Variants in RNF220 observed in about 807,000 individuals in gnomAD.
RNF220 encodes E3 ubiquitin-protein ligase RNF220.
A neutral mutation model predicts 67.1 loss-of-function variants in RNF220; 7 were observed. The observed-to-expected ratio is 0.10, with a 90% CI of 0.06 to 0.20. RNF220 has a LOEUF of 0.20. Ranked by LOEUF, RNF220 falls within the 10% of genes least tolerant of loss-of-function variation. The probability of loss-of-function intolerance (pLI) is 1.00; values close to 1 mark genes in which losing one functional copy is unlikely to be tolerated. For synonymous variants in RNF220, 270 were observed against 283.2 expected, an observed-to-expected ratio of 0.95 and a Z score of 0.47; for missense variants, 565 against 740.3, an observed-to-expected ratio of 0.76 and a Z score of 2.75.
intron 12 of RNF220, among the ~76,000 whole-genome samples, chr1:44,647,665 G>C (rs958911095): frequency 6.6e-6 from 1 of 152,144 alleles, no homozygotes; most frequent in Admixed American, 6.5e-5. Flanking sequence ...AAGGAAAAAG[G>C]CCAGAGATTG....
chr1:44,649,582 G>A lies in RNF220; in HGVS notation c.1446-79G>A, dbSNP rs1644735486. 1 of 1,325,022 alleles carries A rather than the reference G, an allele frequency of 7.5e-7. No individual in the cohort carries two copies. The highest frequency in any genetic ancestry group is 1.1e-6 in the Non-Finnish European group (1 of 922,978). 82.1% of individuals were successfully genotyped at this position (1,325,022 alleles called of 1,614,324 possible). A position where few individuals can be genotyped will look rare whatever the true frequency, so the allele number is the denominator to read the frequency against. ...AGGGGACATTTATGTATTTGGTTCT[G>A]GAATTCAAGGGAGGCGTAGGCTGGA... On this transcript the variant is annotated intron_variant, in intron 12 of 14. Transcript: ENST00000361799. The surrounding 1 kb of genome is among the most constrained non-coding windows in gnomAD (Gnocchi z 5.9).
intron 2 of RNF220, among the ~76,000 whole-genome samples, chr1:44,512,504 C>G (rs1296885662): frequency 6.6e-6 from 1 of 152,160 alleles, no homozygotes; most frequent in African/African-American, 2.4e-5. Flanking sequence ...GGGACGGCCC[C>G]TAAGGGGGTT....
chr1:44,493,437 C>T (rs1572670834), intron 2 of RNF220, among the ~76,000 whole-genome samples: 1 of 152,128 alleles, frequency 6.6e-6, no homozygotes, highest in African/African-American at 2.4e-5. Context: ...TCGCTTGAAC[C>T]TGGGAGGTGG....
chr1:44,550,392 G>C (rs899724323), intron 2 of RNF220, among the ~76,000 whole-genome samples: 1 of 152,224 alleles, frequency 6.6e-6, no homozygotes, highest in African/African-American at 2.4e-5. Flanking sequence ...TAGCTGGGAA[G>C]GCTGTTGAGT....
intron 2 of RNF220, among the ~76,000 whole-genome samples, chr1:44,472,771 C>T (rs947581773): frequency 6.6e-6 from 1 of 152,142 alleles, no homozygotes; most frequent in African/African-American, 2.4e-5. Context: ...GCTTTTGTTT[C>T]CTTTTTTTGT....
chr1:44,488,296 C>T (rs182043017), intron 2 of RNF220, among the ~76,000 whole-genome samples: 135 of 152,042 alleles, frequency 8.9e-4, no homozygotes, highest in Non-Finnish European at 1.6e-3. Context: ...CCACCACACC[C>T]GACTAATTTT....
At chr1:44,492,739 T>A (rs1299143274) in intron 2 of RNF220, among the ~76,000 whole-genome samples, 1 of 152,036 alleles carries the variant, frequency 6.6e-6, no homozygotes, top group Non-Finnish European at 1.5e-5. Flanking sequence ...AGAAAGTAGA[T>A]TAGTAGTTGC....
chr1:44,580,688 A>G (rs1665210000), intron 2 of RNF220, among the ~76,000 whole-genome samples: 1 of 152,228 alleles, frequency 6.6e-6, no homozygotes. Context: ...AGGCTAGACC[A>G]TAAGACCCTT....
rs1193823537 is a variant in RNF220, at chr1:44,412,888, C to T, written c.625+166C>T. 6.6e-6 allele frequency among the ~76,000 whole-genome samples: 1 copy of T among 152,166 alleles called. No homozygotes were observed. Among genetic ancestry groups the T allele is most frequent in the Non-Finnish European group, 1.5e-5 (1 of 68,034 alleles). Reference sequence around the variant, plus strand: ...CCTTTGCTTGTCTCTTATCAGTGAGCACTGATAGTTCTTGAAATATTTTTC... The same window carrying T: ...CCTTTGCTTGTCTCTTATCAGTGAGTACTGATAGTTCTTGAAATATTTTTC... On this transcript the variant is annotated intron_variant, in intron 2 of 14. Transcript: ENST00000361799. The surrounding 1 kb of genome is among the most constrained non-coding windows in gnomAD (Gnocchi z 5.3).
rs1027258303 is a variant in RNF220, at chr1:44,632,564, C to G, written c.949+179C>G. 1.2e-5 allele frequency: 8 copies of G among 661,982 alleles called. No individual in the cohort carries two copies. The African/African-American group carries it at 1.4e-4, about 12-fold the overall frequency. 41.0% of individuals were successfully genotyped at this position (661,982 alleles called of 1,614,324 possible). On this transcript the variant is annotated intron_variant, in intron 6 of 14. Coordinates refer to ENST00000361799, the MANE Select transcript of RNF220 (RefSeq NM_018150.4). ...TGCCGCTCTCAGTTTCCCCGTCTGTCTAATGGAGGTATGGCGCCCAGCTCT... is the reference window on the plus strand; with the variant it reads ...TGCCGCTCTCAGTTTCCCCGTCTGTGTAATGGAGGTATGGCGCCCAGCTCT...
chr1:44,412,559 C>T lies in RNF220; in HGVS notation c.462C>T (p.Arg154=), dbSNP rs1648074272. ...NCHDTESPHL[R]FSDADGKEYD... is the part of the protein sequence containing the mutation. Reference sequence around the variant, plus strand: ...ATGACACAGAGTCTCCCCACTTGCGCTTCTCAGATGCAGATGGCAAGGAAT... The same window carrying T: ...ATGACACAGAGTCTCCCCACTTGCGTTTCTCAGATGCAGATGGCAAGGAAT... The change falls in exon 2 of 15, where the codon CGC becomes CGT. Residue 154 remains arginine (R), a synonymous_variant. Coordinates refer to ENST00000361799, the MANE Select transcript of RNF220 (RefSeq NM_018150.4). This position sits in a 1 kb window ranked among gnomAD's most constrained non-coding sequence, Gnocchi z 5.3. 6.2e-7 allele frequency: 1 copy of T among 1,614,192 alleles called. No individual in the cohort carries two copies. The highest frequency in any genetic ancestry group is 2.2e-5 in the East Asian group (1 of 44,884).
At chr1:44,404,982 C>A (rs1647222020), upstream of RNF220, among the ~76,000 whole-genome samples, 1 of 152,026 alleles carries the variant, frequency 6.6e-6, no homozygotes, top group Admixed American at 6.6e-5. Flanking sequence ...GAGACCTTTG[C>A]GGGTGGGGGA....
chr1:44,496,638 C>G lies in RNF220; in HGVS notation c.625+83916C>G, dbSNP rs1031937954. 5.9e-5 allele frequency among the ~76,000 whole-genome samples: 9 copies of G among 152,208 alleles called. No individual in the cohort carries two copies. The East Asian group carries it at 1.7e-3, about 29-fold the overall frequency. On this transcript the variant is annotated intron_variant, in intron 2 of 14. Coordinates refer to ENST00000361799, the MANE Select transcript of RNF220 (RefSeq NM_018150.4). ...GCAGGTCCCACTTTTCACCCCTGCC[C>G]TTGGCCACCTCCACAGTGGCATGGT...
intron 2 of RNF220, among the ~76,000 whole-genome samples, chr1:44,494,096 C>T (rs560806631): frequency 6.6e-6 from 1 of 151,192 alleles, no homozygotes; most frequent in South Asian, 2.1e-4. Flanking sequence ...ATCCCAGCTA[C>T]TTGGGAGGCT....
intron 2 of RNF220, among the ~76,000 whole-genome samples, chr1:44,518,203 A>C (rs1006367646): frequency 1.3e-5 from 2 of 151,972 alleles, no homozygotes; most frequent in African/African-American, 4.8e-5. Flanking sequence ...AGGTGGGAGG[A>C]TTGCTTCAGG....
At chr1:44,457,594 A>G (rs1457887667) in intron 2 of RNF220, among the ~76,000 whole-genome samples, 1 of 151,742 alleles carries the variant, frequency 6.6e-6, no homozygotes. Flanking sequence ...GAGTAGGGGT[A>G]GATGGTGGAA....
Position 44,644,725 on chromosome 1 carries a change from A to G in RNF220, c.1154A>G (p.Lys385Arg), listed in dbSNP as rs1384572915. The G allele has an allele frequency of 8.1e-6, 13 of 1,614,120 alleles. No individual in the cohort carries two copies. The highest frequency in any genetic ancestry group is 1.1e-5 in the Non-Finnish European group (13 of 1,180,006). ...RGSGFIMCSG[K>R]ENPDSDADLD... ...TCTGGCTTCATCATGTGCAGCGGCAAAGAGAACCCGGACAGTGATGCTGAC... is the reference window on the plus strand; with the variant it reads ...TCTGGCTTCATCATGTGCAGCGGCAGAGAGAACCCGGACAGTGATGCTGAC... The change falls in exon 9 of 15, where the codon AAA becomes AGA. Residue 385 changes from lysine to arginine, a missense_variant. By Grantham distance (26) the Lys-to-Arg change is conservative (BLOSUM62 2). Coordinates refer to ENST00000361799, the MANE Select transcript of RNF220 (RefSeq NM_018150.4).
At chr1:44,611,487 G>T (rs1643305629) in intron 2 of RNF220, among the ~76,000 whole-genome samples, 1 of 152,148 alleles carries the variant, frequency 6.6e-6, no homozygotes, top group African/African-American at 2.4e-5. Context: ...CCATGTCTGG[G>T]ATCCACCTCT....
intron 5 of RNF220, among the ~76,000 whole-genome samples, chr1:44,627,615 G>A (rs1456663029): frequency 6.6e-6 from 1 of 152,176 alleles, no homozygotes; most frequent in African/African-American, 2.4e-5. Context: ...GCAGAGCCCT[G>A]TCTTTAAGAA....
Sources: gnomAD v4.1 joint callset for allele counts (sites outside exome capture counted in the v4.1 genomes callset) on GRCh38, gnomAD v4.1.1 for gene constraint, Gnocchi (gnomAD v3.1) non-coding constraint, MANE v1.5 for transcripts, NCBI Gene and HGNC (gene_info 2026-07-23, HGNC 2026-07-21) for gene names.